CYP20A1: variants seen among roughly 807,000 people sequenced by gnomAD.
The protein encoded by CYP20A1 is cytochrome P450 20A1.
Under a neutral mutation model 61.4 loss-of-function variants are expected in CYP20A1, and 61 were observed. The ratio of observed to expected loss-of-function variants is 0.99; its 90% CI spans 0.81 to 1.23. CYP20A1 has a LOEUF of 1.23. Ranked by LOEUF, CYP20A1 falls within the 50% of genes most tolerant of loss-of-function variation. The pLI, the probability that CYP20A1 is intolerant of heterozygous loss-of-function variation, is 0.00. For synonymous variants in CYP20A1, 193 were observed against 188.2 expected (o/e 1.03, Z -0.21); for missense variants, 530 against 542.4 (o/e 0.98, Z 0.23).
At chr2:203,253,215 C>G (rs769092216) in intron 4 of CYP20A1, among the ~76,000 whole-genome samples, 3 of 152,148 alleles carry the variant, frequency 2.0e-5, no homozygotes, top group Admixed American at 6.6e-5. Flanking sequence ...AACCTTACTG[C>G]GGTTCCTGAA....
At position 203,266,561 on chromosome 2, in the gene CYP20A1, G is replaced by A. The variant is rs1319815852; in HGVS notation, c.480G>A (p.Gln160=). ...LDKWLSYPET[Q]HVPLSQHMLG... ...AATGGCTCTCCTACCCAGAGACCCA[G>A]CACGTGCCCCTCAGCCAGCATATGC... Residue 160 remains glutamine (Q), a synonymous_variant, in exon 5 of 13, where the codon CAG becomes CAA. Transcript: ENST00000356079. 15 of 1,614,110 alleles carry A rather than the reference G, an allele frequency of 9.3e-6. No homozygotes were observed.
At chr2:203,239,537 G>A (rs1232000503) in intron 1 of CYP20A1, among the ~76,000 whole-genome samples, 3 of 152,190 alleles carry the variant, frequency 2.0e-5, no homozygotes, top group Non-Finnish European at 4.4e-5. Flanking sequence ...ACTCCTGGGC[G>A]CGCCACTCCT....
intron 3 of CYP20A1, among the ~76,000 whole-genome samples, chr2:203,248,548 C>G (rs530203140): frequency 6.6e-6 from 1 of 151,974 alleles, no homozygotes; most frequent in African/African-American, 2.4e-5. Context: ...AAAAAAGACT[C>G]TCATACTGTG....
At chr2:203,263,789 A>G (rs1239829285) in intron 4 of CYP20A1, among the ~76,000 whole-genome samples, 4 of 152,082 alleles carry the variant, frequency 2.6e-5, no homozygotes, top group Non-Finnish European at 5.9e-5. Flanking sequence ...AATGATTTCA[A>G]TCCTTTGAAA....
chr2:203,270,102 A>C (rs2067500732), intron 5 of CYP20A1, among the ~76,000 whole-genome samples: 1 of 151,686 alleles, frequency 6.6e-6, no homozygotes, highest in Non-Finnish European at 1.5e-5. Context: ...AAAAAAAACG[A>C]CAGGAAAATT....
chr2:203,242,793 A>G (rs923921324), intron 1 of CYP20A1, among the ~76,000 whole-genome samples: 1 of 151,752 alleles, frequency 6.6e-6, no homozygotes, highest in African/African-American at 2.4e-5. Flanking sequence ...CATGTCTCAA[A>G]AAAAAAAAAA....
chr2:203,245,850 C>G lies in CYP20A1; in HGVS notation c.77C>G (p.Ser26Cys). 1 of 1,597,960 alleles carries G rather than the reference C, an allele frequency of 6.3e-7. No homozygotes were observed. Among genetic ancestry groups the G allele is most frequent in the Non-Finnish European group, 8.6e-7 (1 of 1,169,494 alleles). Residue 26 changes from serine (S) to cysteine (C), a missense_variant, in exon 2 of 13, where the codon TCC becomes TGC. Transcript: ENST00000356079. Reference sequence around the variant, plus strand: ...TATAAACTTTTTTTTTGTAAGGCTTCCAGACAAGCTGCAGGAATTCCAGGG... The same window carrying G: ...TATAAACTTTTTTTTTGTAAGGCTTGCAGACAAGCTGCAGGAATTCCAGGG... Reference protein sequence around the residue: ...VGAVLYLYPASRQAAGIPGIT... With the variant: ...VGAVLYLYPACRQAAGIPGIT...
intron 1 of CYP20A1, among the ~76,000 whole-genome samples, chr2:203,243,856 T>G (rs933021384): frequency 6.6e-6 from 1 of 151,306 alleles, no homozygotes; most frequent in Non-Finnish European, 1.5e-5. Context: ...ACCCGGCGAA[T>G]TTTTTGTACT....
At chr2:203,279,711 A>G (rs934207341) in intron 7 of CYP20A1, among the ~76,000 whole-genome samples, 2 of 152,204 alleles carry the variant, frequency 1.3e-5, no homozygotes, top group Non-Finnish European at 2.9e-5. Flanking sequence ...CCAGAAAAAT[A>G]GGACCGAGTT....
rs375151815 is a variant in CYP20A1, at chr2:203,298,436, A to G, written c.*1528A>G. 4.7e-4 allele frequency: 77 copies of G among 164,836 alleles called. 2 individuals are homozygous for G. The highest frequency in any genetic ancestry group is 4.2e-3 in the East Asian group (28 of 6,614). The allele number at this position is 164,836 out of a possible 1,614,324, so 10.2% of individuals were successfully genotyped here. On this transcript the variant is annotated 3_prime_UTR_variant, in exon 13 of 13. Coordinates refer to ENST00000356079, the MANE Select transcript of CYP20A1 (RefSeq NM_177538.3). ...AGGCCGGGCTCGGTGGCTCATGCCT[A>G]TAATACTTTGGGAGGCCGAGGCAGG...
chr2:203,294,366 C>T (rs1453092174), intron 11 of CYP20A1, among the ~76,000 whole-genome samples: 1 of 151,416 alleles, frequency 6.6e-6, no homozygotes, highest in African/African-American at 2.4e-5. Flanking sequence ...GGAGAAACCC[C>T]TTCTCTACTA....
chr2:203,296,259 G>T (rs939121957), intron 11 of CYP20A1, among the ~76,000 whole-genome samples: 6 of 152,138 alleles, frequency 3.9e-5, no homozygotes, highest in African/African-American at 1.4e-4. Flanking sequence ...GCGAGACCCT[G>T]TCTCAAAAAA....
At chr2:203,293,468 G>T (rs1217695503) in intron 11 of CYP20A1, among the ~76,000 whole-genome samples, 1 of 148,724 alleles carries the variant, frequency 6.7e-6, no homozygotes, top group Admixed American at 6.7e-5. Flanking sequence ...ACCCGCCTCA[G>T]CCTCCCAAAG....
chr2:203,240,169 A>C (rs1036474138), intron 1 of CYP20A1, among the ~76,000 whole-genome samples: 2 of 152,214 alleles, frequency 1.3e-5, no homozygotes, highest in African/African-American at 4.8e-5. Flanking sequence ...GAAAGTTGAA[A>C]AGTAGCTGAA....
At chr2:203,261,878 C>T (rs1219694935) in intron 4 of CYP20A1, among the ~76,000 whole-genome samples, 1 of 152,022 alleles carries the variant, frequency 6.6e-6, no homozygotes, top group African/African-American at 2.4e-5. Context: ...AGAGGTGTCT[C>T]ACCTGAGGCA....
intron 6 of CYP20A1, among the ~76,000 whole-genome samples, chr2:203,273,225 G>A (rs1489339421): frequency 6.6e-6 from 1 of 152,122 alleles, no homozygotes; most frequent in Non-Finnish European, 1.5e-5. Context: ...GGAAAAATAA[G>A]TTAGTAAAAG....
intron 9 of CYP20A1, among the ~76,000 whole-genome samples, chr2:203,288,587 A>T (rs577525433): frequency 6.6e-6 from 1 of 152,138 alleles, no homozygotes; most frequent in Non-Finnish European, 1.5e-5. Flanking sequence ...ACAGTGCTTC[A>T]CATGCAGCAG....
At chr2:203,254,973 A>G (rs929344801) in intron 4 of CYP20A1, among the ~76,000 whole-genome samples, 1 of 152,100 alleles carries the variant, frequency 6.6e-6, no homozygotes, top group African/African-American at 2.4e-5. Context: ...CCTGGGTAAC[A>G]GAGTGAGACT....
chr2:203,295,623 C>T (rs1414077884), intron 11 of CYP20A1, among the ~76,000 whole-genome samples: 2 of 152,042 alleles, frequency 1.3e-5, no homozygotes, highest in South Asian at 4.1e-4. Context: ...TTGGTTTTCT[C>T]GAGAAATATA....
Sources: gnomAD v4.1 joint callset for allele counts (sites outside exome capture counted in the v4.1 genomes callset) on GRCh38, gnomAD v4.1.1 for gene constraint, MANE v1.5 for transcripts, NCBI Gene and HGNC (gene_info 2026-07-23, HGNC 2026-07-21) for gene names.